Variants in WSCD2 observed in about 807,000 individuals in gnomAD.
The protein encoded by WSCD2 is sialate:O-sulfotransferase 2.
WSCD2 carries 28 observed loss-of-function variants against 55.7 expected under a neutral mutation model. The observed-to-expected ratio is 0.50, with a 90% CI of 0.37 to 0.69. The LOEUF (loss-of-function observed/expected upper bound fraction) is 0.69. WSCD2 is among the 30% of genes least tolerant of loss of function. WSCD2 has a pLI of 0.00. For missense variants in WSCD2, 616 were observed against 762.1 expected (o/e 0.81, Z 2.26); for synonymous variants, 301 against 301.9 (o/e 1.00, Z 0.03).
Position 108,210,241 on chromosome 12 carries a change from G to A in WSCD2, c.618G>A (p.Val206=), listed in dbSNP as rs1334501518. Reference sequence around the variant, plus strand: ...AGTGCAAGGGCGAGCGAGGCAGCGTGTGCGGCGGCGCCAACCGCCTCTCTG... The same window carrying A: ...AGTGCAAGGGCGAGCGAGGCAGCGTATGCGGCGGCGCCAACCGCCTCTCTG... ...DMECKGERGS[V]CGGANRLSVY... Residue 206 remains valine (V), a synonymous_variant, in exon 4 of 9, where the codon GTG becomes GTA. Transcript: ENST00000547525. The surrounding 1 kb of genome is among the most constrained non-coding windows in gnomAD (Gnocchi z 4.3). The A allele has an allele frequency of 1.2e-6, 2 of 1,603,434 alleles. No homozygotes were observed. The highest frequency in any genetic ancestry group is 1.7e-6 in the Non-Finnish European group (2 of 1,173,016).
intron 1 of WSCD2, among the ~76,000 whole-genome samples, chr12:108,135,394 G>A (rs943236059): frequency 6.6e-6 from 1 of 152,216 alleles, no homozygotes; most frequent in African/African-American, 2.4e-5. Context: ...CCCTTTACTG[G>A]AAGGAACTTC....
chr12:108,130,480 GT>G (rs1875383921), intron 1 of WSCD2, among the ~76,000 whole-genome samples: 2 of 46,632 alleles, frequency 4.3e-5, no homozygotes, highest in South Asian at 5.9e-4. Flanking sequence ...TCTGGGGTGT[GT>G]GTGTGTGTGT....
intron 1 of WSCD2, among the ~76,000 whole-genome samples, chr12:108,146,433 G>A (rs1434773717): frequency 6.6e-6 from 1 of 152,244 alleles, no homozygotes; most frequent in African/African-American, 2.4e-5. Context: ...CCTGCCTGGA[G>A]GATACAGTTA....
intron 1 of WSCD2, among the ~76,000 whole-genome samples, chr12:108,195,039 C>A (rs1230969953): frequency 2.6e-5 from 4 of 152,058 alleles, no homozygotes; most frequent in Non-Finnish European, 5.9e-5. Flanking sequence ...CAAAGTTTGT[C>A]CCCAACTAGG....
intron 8 of WSCD2, among the ~76,000 whole-genome samples, chr12:108,242,436 C>T (rs997467067): frequency 6.6e-5 from 10 of 152,164 alleles, no homozygotes; most frequent in African/African-American, 2.4e-4. Context: ...ATGGTAGTAG[C>T]CTGTCCTAAG....
At chr12:108,203,026 C>T (rs536233715) in intron 2 of WSCD2, among the ~76,000 whole-genome samples, 1 of 152,270 alleles carries the variant, frequency 6.6e-6, no homozygotes, top group African/African-American at 2.4e-5. Flanking sequence ...ATCCTGGACT[C>T]AGTGTGGCAT....
chr12:108,248,360 G>A lies in WSCD2; in HGVS notation c.*17G>A, dbSNP rs1158637216. On this transcript the variant is annotated 3_prime_UTR_variant, in exon 9 of 9. Transcript: ENST00000547525. This position sits in a 1 kb window ranked among gnomAD's most constrained non-coding sequence, Gnocchi z 4.3. The stretch of plus-strand genomic sequence containing the variant: ...CCAAGATGATGCGTCCACACAGGGG[G>A]AGGGTAGACTGGGAGTCCTGACCAC... The A allele has an allele frequency of 1.2e-6, 2 of 1,600,318 alleles. No homozygotes were observed. The highest frequency in any genetic ancestry group is 1.7e-6 in the Non-Finnish European group (2 of 1,170,720).
At chr12:108,136,564 T>G (rs1228010315) in intron 1 of WSCD2, among the ~76,000 whole-genome samples, 1 of 152,170 alleles carries the variant, frequency 6.6e-6, no homozygotes, top group Non-Finnish European at 1.5e-5. Flanking sequence ...CAGACTTCAC[T>G]TCCATTCTCT....
chr12:108,240,599 C>CGGGGGGGGGG, intron 8 of WSCD2, 55 bp downstream of exon 8: 1 of 118,284 alleles, frequency 8.5e-6, no homozygotes, highest in Non-Finnish European at 1.5e-5. Context: ...CTGCAGGGGG[C>CGGGGGGGGGG]GGTGGGAGGG....
rs746652380 is a variant in WSCD2 at position 108,224,615 on chromosome 12, TTGGCTTGCTCTG to T, written c.683-121_683-110del. 674 of 1,303,548 alleles carry T rather than the reference TTGGCTTGCTCTG, an allele frequency of 5.2e-4. 1 individual carries two copies. Among genetic ancestry groups the T allele is most frequent in the Middle Eastern group, 7.7e-4 (4 of 5,204 alleles). The allele number at this position is 1,303,548 out of a possible 1,614,324, so 80.7% of individuals were successfully genotyped here. A position where few individuals can be genotyped will look rare whatever the true frequency, so the allele number is the denominator to read the frequency against. On this transcript the variant is annotated intron_variant, in intron 4 of 8. Coordinates refer to ENST00000547525, the MANE Select transcript of WSCD2 (RefSeq NM_014653.4). ...CATGGCCACTCTTTCCATCTCTGCT[TTGGCTTGCTCTG>T]TGACCTTGGGCAAGACTCTTGCCTT...
At chr12:108,151,918 C>T (rs1330326341) in intron 1 of WSCD2, among the ~76,000 whole-genome samples, 1 of 152,210 alleles carries the variant, frequency 6.6e-6, no homozygotes, top group Non-Finnish European at 1.5e-5. Context: ...AACATTCTCT[C>T]AGCTCCCTCC....
intron 2 of WSCD2, among the ~76,000 whole-genome samples, chr12:108,198,759 A>G (rs1187958838): frequency 2.6e-5 from 4 of 152,178 alleles, no homozygotes; most frequent in Non-Finnish European, 5.9e-5. Flanking sequence ...ATATTAGCTG[A>G]TATCTAGTGA....
chr12:108,185,234 G>T (rs1025597607), intron 1 of WSCD2, among the ~76,000 whole-genome samples: 2 of 152,144 alleles, frequency 1.3e-5, no homozygotes, highest in African/African-American at 2.4e-5. Context: ...TCTGAGAAGT[G>T]GTCACATCCC....
At chr12:108,150,520 A>G (rs1877869354) in intron 1 of WSCD2, among the ~76,000 whole-genome samples, 1 of 152,142 alleles carries the variant, frequency 6.6e-6, no homozygotes, top group South Asian at 2.1e-4. Flanking sequence ...GGGATATTCC[A>G]GTGTGAGGGA....
intron 1 of WSCD2, among the ~76,000 whole-genome samples, chr12:108,182,390 A>T (rs1430964459): frequency 6.6e-6 from 1 of 152,222 alleles, no homozygotes; most frequent in Non-Finnish European, 1.5e-5. Flanking sequence ...ATGAGATCTT[A>T]GGAGCTTAGA....
chr12:108,204,541 C>T (rs962607629), intron 2 of WSCD2, among the ~76,000 whole-genome samples: 9 of 152,212 alleles, frequency 5.9e-5, no homozygotes, highest in Non-Finnish European at 8.8e-5. Context: ...GAACAGCATT[C>T]GTGCCCCAAG....
In WSCD2 at chr12:108,246,820, G is replaced by GT. The variant is rs1890121435; in HGVS notation, c.1346-1171_1346-1170insT. Among the ~76,000 whole-genome samples, 7 of 152,252 alleles carry GT rather than the reference G, an allele frequency of 4.6e-5. 1 individual carries two copies. Among genetic ancestry groups the GT allele is most frequent in the African/African-American group, 7.2e-5 (3 of 41,558 alleles). On this transcript the variant is annotated intron_variant, in intron 8 of 8. Coordinates refer to ENST00000547525, the MANE Select transcript of WSCD2 (RefSeq NM_014653.4). ...GGGGAGACAGACTACAGAAGTGGGGGGTTTCTGCACAGCATAATGAGTGCT... is the reference window on the plus strand; with the variant it reads ...GGGGAGACAGACTACAGAAGTGGGGGTGTTTCTGCACAGCATAATGAGTGCT...
At chr12:108,161,008 G>A (rs889514480) in intron 1 of WSCD2, among the ~76,000 whole-genome samples, 1 of 152,226 alleles carries the variant, frequency 6.6e-6, no homozygotes, top group Non-Finnish European at 1.5e-5. Flanking sequence ...ATGAAAGCAA[G>A]TGTATGGAAG....
chr12:108,204,343 C>A (rs1445301236), intron 2 of WSCD2, among the ~76,000 whole-genome samples: 1 of 152,100 alleles, frequency 6.6e-6, no homozygotes, highest in East Asian at 1.9e-4. Flanking sequence ...CTCTCCCACC[C>A]TACTCCATCA....
Sources: gnomAD v4.1 joint callset for allele counts (sites outside exome capture counted in the v4.1 genomes callset) on GRCh38, gnomAD v4.1.1 for gene constraint, Gnocchi (gnomAD v3.1) non-coding constraint, MANE v1.5 for transcripts, NCBI Gene and HGNC (gene_info 2026-07-23, HGNC 2026-07-21) for gene names.